XPR1: variants seen among roughly 807,000 people sequenced by gnomAD.
XPR1 encodes xenotropic and polytropic retrovirus receptor 1, also known as solute carrier family 53 member 1.
In XPR1, 28 loss-of-function variants were observed where a neutral mutation model predicts 87.5. The ratio of observed to expected loss-of-function variants is 0.32; its 90% CI spans 0.24 to 0.44. XPR1 has a LOEUF of 0.44. Ranked by LOEUF, XPR1 falls within the 20% of genes least tolerant of loss-of-function variation. The pLI is 1.00. For synonymous variants in XPR1, 300 were observed against 306.1 expected, an observed-to-expected ratio of 0.98 and a Z score of 0.21; for missense variants, 559 against 862.3, an observed-to-expected ratio of 0.65 and a Z score of 4.41.
rs781612895 is a variant in XPR1, at chr1:180,648,106, CAT to C, written c.69+15837_69+15838del. On this transcript the variant is annotated intron_variant, in intron 1 of 14. Coordinates refer to ENST00000367590, the MANE Select transcript of XPR1 (RefSeq NM_004736.4). ...TAAAAAATTTTACTTTTGATGGCAA[CAT>C]GTGGGTAGTTGCTATTGCTCAGCTC... is the stretch of plus-strand genomic sequence containing the variant. 1.1e-4 allele frequency among the ~76,000 whole-genome samples: 16 copies of C among 152,198 alleles called. No individual in the cohort carries two copies. In the East Asian group the frequency reaches 2.1e-3, roughly 20 times the overall value.
intron 1 of XPR1, among the ~76,000 whole-genome samples, chr1:180,662,415 G>GT (rs1006947869): frequency 1.2e-4 from 18 of 152,172 alleles, no homozygotes; most frequent in Admixed American, 1.0e-3. Flanking sequence ...TAGGATGAAA[G>GT]TTTTTTTCCT....
At chr1:180,799,094 T>G (rs534889235) in intron 3 of XPR1, among the ~76,000 whole-genome samples, 5 of 152,314 alleles carry the variant, frequency 3.3e-5, no homozygotes, top group Middle Eastern at 3.4e-3. Flanking sequence ...TGCCATTGTT[T>G]CATTAGTACA....
intron 1 of XPR1, among the ~76,000 whole-genome samples, chr1:180,645,685 C>G (rs12038722): frequency 0.055 from 8,350 of 152,268 alleles, 375 homozygotes; most frequent in East Asian, 0.13. Context: ...CATCTCCTCA[C>G]AGAGCTGTGC....
intron 1 of XPR1, among the ~76,000 whole-genome samples, chr1:180,646,732 T>C (rs1454112715): frequency 1.3e-5 from 2 of 152,192 alleles, no homozygotes; most frequent in Non-Finnish European, 2.9e-5. Context: ...ACCGAAACTG[T>C]GACCGAGACA....
At chr1:180,647,954 C>T (rs1655175286) in intron 1 of XPR1, among the ~76,000 whole-genome samples, 1 of 146,114 alleles carries the variant, frequency 6.8e-6, no homozygotes, top group Non-Finnish European at 1.5e-5. Context: ...GTAGATCTTT[C>T]TGCAGTGTAG....
At chr1:180,866,402 A>G (rs1182677676) in intron 12 of XPR1, among the ~76,000 whole-genome samples, 1 of 152,226 alleles carries the variant, frequency 6.6e-6, no homozygotes, top group Non-Finnish European at 1.5e-5. Flanking sequence ...AATATTAAGC[A>G]CCACATCCCA....
intron 2 of XPR1, among the ~76,000 whole-genome samples, chr1:180,687,486 A>G (rs996161509): frequency 3.9e-5 from 6 of 152,324 alleles, no homozygotes; most frequent in African/African-American, 1.4e-4. Flanking sequence ...ATGTAAACAT[A>G]CTATAAAACT....
Position 180,632,048 on chromosome 1 carries a change from C to T in XPR1, c.-154C>T. On this transcript the variant is annotated 5_prime_UTR_variant, in exon 1 of 15. Transcript: ENST00000367590. ...TGGAGAGGAGGAGGAAGATGGCGGG[C>T]GGGCTGCTCTGAAGAGACCTCGGCG... The T allele has an allele frequency of 6.3e-6, 5 of 798,626 alleles. No homozygotes were observed. Among genetic ancestry groups the T allele is most frequent in the South Asian group, 1.5e-5 (1 of 65,392 alleles). The allele number at this position is 798,626 out of a possible 1,614,324, so 49.5% of individuals were successfully genotyped here.
chr1:180,656,658 T>G (rs1655540352), intron 1 of XPR1, among the ~76,000 whole-genome samples: 1 of 125,476 alleles, frequency 8.0e-6, no homozygotes, highest in African/African-American at 3.0e-5. Flanking sequence ...ATATATAATA[T>G]ATAATTTATA....
At chr1:180,686,656 C>A (rs147292694) in intron 2 of XPR1, among the ~76,000 whole-genome samples, 5 of 151,470 alleles carry the variant, frequency 3.3e-5, no homozygotes, top group African/African-American at 1.2e-4. Flanking sequence ...GAGTTGAGTG[C>A]AAAAAAATAT....
intron 2 of XPR1, among the ~76,000 whole-genome samples, chr1:180,694,374 G>A (rs1657093585): frequency 6.6e-6 from 1 of 152,168 alleles, no homozygotes; most frequent in Admixed American, 6.5e-5. Context: ...GCTGTATTGT[G>A]AAAGGAGCAG....
chr1:180,824,637 T>C (rs1196788999), intron 7 of XPR1, 116 bp from the exon 8 acceptor site: 1 of 885,304 alleles, frequency 1.1e-6, no homozygotes, highest in Non-Finnish European at 1.7e-6. Context: ...GGTTTAGGTT[T>C]TATTTATGAA....
At chr1:180,782,257 T>C (rs1473134993) in intron 2 of XPR1, among the ~76,000 whole-genome samples, 1 of 152,068 alleles carries the variant, frequency 6.6e-6, no homozygotes, top group African/African-American at 2.4e-5. Context: ...GAACTAGGCT[T>C]AGTCTTTTGT....
chr1:180,773,392 C>T (rs10914097), intron 2 of XPR1, among the ~76,000 whole-genome samples: 2,163 of 152,286 alleles, frequency 0.014, 40 homozygotes, highest in African/African-American at 0.049. Flanking sequence ...AGAAGTAGCA[C>T]TGACTCTTGT....
intron 1 of XPR1, among the ~76,000 whole-genome samples, chr1:180,681,128 A>G (rs891506896): frequency 1.3e-5 from 2 of 152,192 alleles, no homozygotes; most frequent in South Asian, 4.1e-4. Context: ...GATAGGAGGA[A>G]TAAATTCTAG....
chr1:180,761,334 A>G (rs969659241), intron 2 of XPR1, among the ~76,000 whole-genome samples: 24 of 152,314 alleles, frequency 1.6e-4, no homozygotes, highest in African/African-American at 4.8e-4. Context: ...TGAACAGGCA[A>G]CCTACAAAGT....
At chr1:180,861,887 G>A (rs1399733286) in intron 11 of XPR1, among the ~76,000 whole-genome samples, 1 of 152,052 alleles carries the variant, frequency 6.6e-6, no homozygotes, top group African/African-American at 2.4e-5. Flanking sequence ...TGAATGTGGA[G>A]TGAGGAAAAG....
intron 1 of XPR1, among the ~76,000 whole-genome samples, chr1:180,636,830 T>G (rs1654792734): frequency 6.6e-6 from 1 of 152,064 alleles, no homozygotes. Context: ...GGCAGGCGGA[T>G]CACTTGAGGT....
chr1:180,646,869 A>G (rs143618575), intron 1 of XPR1, among the ~76,000 whole-genome samples: 26 of 152,300 alleles, frequency 1.7e-4, no homozygotes, highest in African/African-American at 6.0e-4. Flanking sequence ...TGTACAATTG[A>G]TGTACATCAA....
Sources: allele counts gnomAD v4.1 joint callset (sites outside exome capture counted in the v4.1 genomes callset), GRCh38; gene constraint gnomAD v4.1.1; transcripts MANE v1.5; gene names NCBI Gene and HGNC (gene_info 2026-07-23, HGNC 2026-07-21).